SETBP1: variants seen among roughly 807,000 people sequenced by gnomAD.
The protein encoded by SETBP1 is SET binding protein 1, also known as SET-binding protein.
A neutral mutation model predicts 101.0 loss-of-function variants in SETBP1; 9 were observed. That is an observed-to-expected ratio of 0.09 (90% confidence interval 0.05 to 0.16). The LOEUF is 0.16. SETBP1 is among the 10% of genes least tolerant of loss of function. The probability of loss-of-function intolerance (pLI) is 1.00; values close to 1 mark genes in which losing one functional copy is unlikely to be tolerated. For missense variants in SETBP1, 1,858 were observed against 2,033.8 expected (o/e 0.91, Z 1.66); for synonymous variants, 818 against 788.5 (o/e 1.04, Z -0.63).
chr18:44,732,183 T>C lies in SETBP1; in HGVS notation c.486+30351T>C, dbSNP rs188622850. On this transcript the variant is annotated intron_variant, in intron 2 of 5. Coordinates refer to ENST00000649279, the MANE Select transcript of SETBP1 (RefSeq NM_015559.3). ...CTAAGAAAGTTGATTACCACTCAGA[T>C]AGACGATCACATACCCTCGTTATGA... 4.6e-5 allele frequency among the ~76,000 whole-genome samples: 7 copies of C among 152,328 alleles called. No individual in the cohort carries two copies. In the East Asian group the frequency reaches 9.6e-4, roughly 21 times the overall value.
chr18:44,869,182 A>C, intron 2 of SETBP1, 48 bp from the exon 3 acceptor site: 1 of 1,551,100 alleles, frequency 6.4e-7, no homozygotes, highest in Non-Finnish European at 8.9e-7. Flanking sequence ...GGGATACTGT[A>C]TGCAAACTGA....
intron 2 of SETBP1, among the ~76,000 whole-genome samples, chr18:44,711,671 G>A (rs1385805862): frequency 2.0e-5 from 3 of 148,398 alleles, no homozygotes; most frequent in East Asian, 2.0e-4. Flanking sequence ...TACTGCAGGT[G>A]TGCACCACCA....
chr18:44,927,944 A>G (rs1433021929), intron 3 of SETBP1, among the ~76,000 whole-genome samples: 4 of 152,132 alleles, frequency 2.6e-5, no homozygotes, highest in African/African-American at 9.7e-5. Flanking sequence ...TATATATATA[A>G]TTATACTTTA....
intron 2 of SETBP1, among the ~76,000 whole-genome samples, chr18:44,712,994 T>A (rs536163356): frequency 2.6e-4 from 38 of 144,120 alleles, no homozygotes; most frequent in Admixed American, 2.4e-3. Context: ...AGTCTTGCTC[T>A]GTCGCCCAGA....
chr18:44,850,345 G>C (rs952591365), intron 2 of SETBP1, among the ~76,000 whole-genome samples: 2 of 151,472 alleles, frequency 1.3e-5, no homozygotes, highest in African/African-American at 2.4e-5. Flanking sequence ...GCTTTAATTC[G>C]GCCCAGATGG....
chr18:44,735,896 T>C (rs1307058007), intron 2 of SETBP1, among the ~76,000 whole-genome samples: 1 of 152,202 alleles, frequency 6.6e-6, no homozygotes, highest in Non-Finnish European at 1.5e-5. Context: ...ATAAAACATC[T>C]GGGCAGTTTC....
At chr18:44,844,876 A>G (rs1000068750) in intron 2 of SETBP1, among the ~76,000 whole-genome samples, 1 of 152,216 alleles carries the variant, frequency 6.6e-6, no homozygotes, top group African/African-American at 2.4e-5. Flanking sequence ...TGAGCTTGGC[A>G]TCAGGCCGGT....
chr18:44,853,756 C>A (rs1176654164), intron 2 of SETBP1, among the ~76,000 whole-genome samples: 1 of 152,192 alleles, frequency 6.6e-6, no homozygotes, highest in East Asian at 1.9e-4. Context: ...GGAGTCTTAA[C>A]CTCAGTCTAG....
At chr18:44,883,540 A>T (rs1337834679) in intron 3 of SETBP1, among the ~76,000 whole-genome samples, 2 of 152,172 alleles carry the variant, frequency 1.3e-5, no homozygotes, top group Non-Finnish European at 2.9e-5. Context: ...ATTCATCTCC[A>T]CTAGGTACAG....
chr18:44,761,238 A>G (rs1233389526), intron 2 of SETBP1, among the ~76,000 whole-genome samples: 3 of 152,224 alleles, frequency 2.0e-5, no homozygotes, highest in Non-Finnish European at 2.9e-5. Flanking sequence ...ATTACCATAT[A>G]CATTACATTA....
At chr18:44,888,268 G>A (rs2069693488) in intron 3 of SETBP1, among the ~76,000 whole-genome samples, 1 of 152,042 alleles carries the variant, frequency 6.6e-6, no homozygotes, top group Non-Finnish European at 1.5e-5. Flanking sequence ...TATCCCTTGT[G>A]AGTTAGTTAG....
intron 4 of SETBP1, among the ~76,000 whole-genome samples, chr18:45,017,989 A>G (rs1260004091): frequency 6.6e-6 from 1 of 152,188 alleles, no homozygotes; most frequent in Non-Finnish European, 1.5e-5. Context: ...AGTGTCACCA[A>G]CAATGTAGTA....
At position 44,726,802 on chromosome 18, in the gene SETBP1, A is replaced by G. The variant is rs2069717954; in HGVS notation, c.486+24970A>G. On this transcript the variant is annotated intron_variant, in intron 2 of 5. Transcript: ENST00000649279. ...CTTCGTTACATAATTTGTTTTTGTA[A>G]TAATACGTGGAGAAGAGCCCAAGAT... Among the ~76,000 whole-genome samples the G allele has an allele frequency of 2.0e-5, 3 of 152,206 alleles. No homozygotes were observed. In the South Asian group the frequency reaches 6.2e-4, roughly 32 times the overall value.
intron 5 of SETBP1, among the ~76,000 whole-genome samples, chr18:45,045,482 C>G (rs1049258325): frequency 2.0e-5 from 3 of 152,160 alleles, no homozygotes; most frequent in Non-Finnish European, 4.4e-5. Context: ...TAGTGGACAG[C>G]AAGCCGAACA....
At chr18:45,002,750 A>T (rs1022198856) in intron 4 of SETBP1, among the ~76,000 whole-genome samples, 1 of 152,138 alleles carries the variant, frequency 6.6e-6, no homozygotes, top group Non-Finnish European at 1.5e-5. Context: ...ATCTGAAGAG[A>T]CATTATTGAG....
At chr18:44,719,210 A>C (rs976285072) in intron 2 of SETBP1, among the ~76,000 whole-genome samples, 2 of 152,188 alleles carry the variant, frequency 1.3e-5, no homozygotes, top group African/African-American at 4.8e-5. Flanking sequence ...TAGAAGCAGA[A>C]ATCTGATAAA....
chr18:44,868,933 A>G (rs539025307), intron 2 of SETBP1, among the ~76,000 whole-genome samples: 1 of 152,312 alleles, frequency 6.6e-6, no homozygotes, highest in Admixed American at 6.5e-5. Flanking sequence ...CATGGACCTG[A>G]TGAAGGCCAT....
At chr18:44,927,925 T>C (rs955501179) in intron 3 of SETBP1, among the ~76,000 whole-genome samples, 2 of 152,178 alleles carry the variant, frequency 1.3e-5, no homozygotes, top group Non-Finnish European at 2.9e-5. Flanking sequence ...ATGTGTTCTG[T>C]GATGACATTA....
intron 5 of SETBP1, among the ~76,000 whole-genome samples, chr18:45,044,301 A>T (rs754819982): frequency 3.3e-5 from 5 of 152,236 alleles, no homozygotes; most frequent in Non-Finnish European, 7.3e-5. Context: ...AACAAAGCTT[A>T]AATTTAAAGC....
Sources: gnomAD v4.1 joint callset for allele counts (sites outside exome capture counted in the v4.1 genomes callset) on GRCh38, gnomAD v4.1.1 for gene constraint, MANE v1.5 for transcripts, NCBI Gene and HGNC (gene_info 2026-07-23, HGNC 2026-07-21) for gene names.